The following IAH1 variants were observed in gnomAD, a reference collection of about 807,000 sequenced individuals.
IAH1 encodes the protein isoamyl acetate hydrolyzing esterase 1 (putative), also known as isoamyl acetate-hydrolyzing esterase 1 homolog.
A neutral mutation model predicts 26.7 loss-of-function variants in IAH1; 24 were observed. The observed-to-expected ratio is 0.90, with a 90% CI of 0.65 to 1.26. The LOEUF (loss-of-function observed/expected upper bound fraction) is 1.26. IAH1 is among the 50% of genes most tolerant of loss of function. IAH1 has a pLI of 0.00. For synonymous variants in IAH1, 140 were observed against 118.5 expected (o/e 1.18, Z -1.18); for missense variants, 300 against 299.9 (o/e 1.00, Z 0.00).
upstream of IAH1, among the ~76,000 whole-genome samples, chr2:9,474,258 C>T (rs1682335445): frequency 6.6e-6 from 1 of 152,172 alleles, no homozygotes; most frequent in African/African-American, 2.4e-5. The surrounding 1 kb of genome is among the most constrained non-coding windows in gnomAD (Gnocchi z 4.3). Context: ...AGGTCACACT[C>T]CTGCCCTTTG....
In IAH1 at chr2:9,489,405, T is replaced by C. The variant is rs553628412; in HGVS notation, c.*1076T>C. ...GCCAATAGTGAATTTTCTAAGAGCATGTATCCCTATCAGTAACAGGGATAC... is the reference window on the plus strand; with the variant it reads ...GCCAATAGTGAATTTTCTAAGAGCACGTATCCCTATCAGTAACAGGGATAC... On this transcript the variant is annotated 3_prime_UTR_variant, in exon 6 of 6. Coordinates refer to ENST00000497473, the MANE Select transcript of IAH1 (RefSeq NM_001039613.3). 26 of 149,688 alleles carry C rather than the reference T, an allele frequency of 1.7e-4. No homozygotes were observed. Among genetic ancestry groups the C allele is most frequent in the African/African-American group, 5.2e-4 (21 of 40,116 alleles). 9.3% of individuals were successfully genotyped at this position (149,688 alleles called of 1,614,324 possible).
At chr2:9,488,050 C>T (rs1661718442) in intron 5 of IAH1, 97 bp from the exon 6 acceptor site, 1 of 824,460 alleles carries the variant, frequency 1.2e-6, no homozygotes, top group African/African-American at 1.7e-5. Context: ...AAACTCCTGT[C>T]TTCCAGTAAT....
chr2:9,488,390 G>C lies in IAH1; in HGVS notation c.*61G>C, dbSNP rs1006218790. The C allele has an allele frequency of 5.2e-6, 7 of 1,342,404 alleles. No individual in the cohort carries two copies. 83.2% of individuals were successfully genotyped at this position (1,342,404 alleles called of 1,614,324 possible). On this transcript the variant is annotated 3_prime_UTR_variant, in exon 6 of 6. Coordinates refer to ENST00000497473, the MANE Select transcript of IAH1 (RefSeq NM_001039613.3). ...CAGAACTCAAAGTTGTCAATACGTAGAGGTACGCTTTTTTCCTCAGGCTTA... is the reference window on the plus strand; with the variant it reads ...CAGAACTCAAAGTTGTCAATACGTACAGGTACGCTTTTTTCCTCAGGCTTA...
At chr2:9,503,912 G>A in the IAH1 span, among the ~76,000 whole-genome samples, 14 of 151,762 alleles carry the variant, frequency 9.2e-5, no homozygotes, top group African/African-American at 3.4e-4. Flanking sequence ...CCACACTTTA[G>A]GAGGCTTAGA....
At chr2:9,503,095 G>A in the IAH1 span, among the ~76,000 whole-genome samples, 5 of 146,302 alleles carry the variant, frequency 3.4e-5, no homozygotes, top group Non-Finnish European at 7.5e-5. Context: ...AGCCAAGATC[G>A]CGCCACTGCA....
chr2:9,503,661 A>G, the IAH1 span, among the ~76,000 whole-genome samples: 1 of 152,054 alleles, frequency 6.6e-6, no homozygotes, highest in African/African-American at 2.4e-5. Flanking sequence ...CAACATGGTG[A>G]AACCCCATCT....
chr2:9,496,917 A>C (rs1483397243), downstream of IAH1, among the ~76,000 whole-genome samples: 2 of 152,186 alleles, frequency 1.3e-5, no homozygotes, highest in Non-Finnish European at 2.9e-5. Flanking sequence ...CACCAACAGG[A>C]TAGGTCTCCC....
rs968778394 is a variant in IAH1, at chr2:9,474,845, C to T, written c.81+198C>T. ...CGGGCCCGCGGCGTCCCGGAGGTCA[C>T]GACGGCGTCCGCGAGAGCCCGGGCT... On this transcript the variant is annotated intron_variant, in intron 1 of 5. Coordinates refer to ENST00000497473, the MANE Select transcript of IAH1 (RefSeq NM_001039613.3). This position sits in a 1 kb window ranked among gnomAD's most constrained non-coding sequence, Gnocchi z 4.3. The T allele has an allele frequency of 1.2e-5, 6 of 518,018 alleles. No homozygotes were observed. Among genetic ancestry groups the T allele is most frequent in the Non-Finnish European group, 1.5e-5 (5 of 334,196 alleles). 32.1% of individuals were successfully genotyped at this position (518,018 alleles called of 1,614,324 possible). A position where few individuals can be genotyped will look rare whatever the true frequency, so the allele number is the denominator to read the frequency against.
upstream of IAH1, chr2:9,474,394 G>A (rs13411809): frequency 0.57 from 245,880 of 427,800 alleles, 76,147 homozygotes; most frequent in African/African-American, 0.73. The surrounding 1 kb of genome is among the most constrained non-coding windows in gnomAD (Gnocchi z 4.3). Context: ...CTGTGGGTGA[G>A]CAAGCGCGGA....
chr2:9,496,202 C>A (rs1339435266), intron 6 of IAH1: 1 of 152,166 alleles, frequency 6.6e-6, no homozygotes, highest in Admixed American at 6.6e-5. Flanking sequence ...AATCTCAGCT[C>A]ACAGCAACCT....
At position 9,488,552 on chromosome 2, in the gene IAH1, CTTG is replaced by C. The variant is rs756254259; in HGVS notation, c.*226_*228del. ...CAGCTATAAAATATACCCTGAGCAG[CTTG>C]TTAATTCTATAAATGACAAAGACTA... On this transcript the variant is annotated 3_prime_UTR_variant, in exon 6 of 6. Transcript: ENST00000497473. 1.4e-5 allele frequency: 5 copies of C among 365,660 alleles called. No homozygotes were observed. The highest frequency in any genetic ancestry group is 1.0e-4 in the African/African-American group (5 of 47,946). 22.7% of individuals were successfully genotyped at this position (365,660 alleles called of 1,614,324 possible). A position where few individuals can be genotyped will look rare whatever the true frequency, so the allele number is the denominator to read the frequency against.
chr2:9,494,630 TACTC>T (rs769369491), downstream of IAH1: 7 of 1,613,512 alleles, frequency 4.3e-6, no homozygotes, highest in Non-Finnish European at 4.2e-6. Flanking sequence ...TGTACATAAA[TACTC>T]ACATTCATGT....
At chr2:9,505,064 C>T in the IAH1 span, 2 of 1,271,216 alleles carry the variant, frequency 1.6e-6, no homozygotes, top group Non-Finnish European at 2.2e-6. Context: ...CACACTCACA[C>T]CCCTTTCAGT....
At chr2:9,495,564 A>T (rs907896192) in intron 6 of IAH1, among the ~76,000 whole-genome samples, 1 of 152,094 alleles carries the variant, frequency 6.6e-6, no homozygotes, top group East Asian at 1.9e-4. Context: ...AATAAAAAAA[A>T]TTAGCCAGAT....
intron 4 of IAH1, among the ~76,000 whole-genome samples, chr2:9,483,781 C>G (rs1477069575): frequency 1.3e-5 from 2 of 152,178 alleles, no homozygotes; most frequent in Non-Finnish European, 2.9e-5. Flanking sequence ...TAGATACACT[C>G]AATCGTTCTG....
the IAH1 span, among the ~76,000 whole-genome samples, chr2:9,503,153 G>C: frequency 1.2e-3 from 164 of 135,228 alleles, 1 homozygote; most frequent in Middle Eastern, 0.015. Flanking sequence ...AAAAAAAAAA[G>C]ACAAGGAAAA....
the IAH1 span, among the ~76,000 whole-genome samples, chr2:9,503,418 A>G: frequency 3.3e-5 from 5 of 152,254 alleles, no homozygotes; most frequent in Non-Finnish European, 7.3e-5. Context: ...AGTATATAGA[A>G]TCATGATAAC....
the IAH1 span, chr2:9,509,952 C>T: frequency 6.2e-7 from 1 of 1,612,350 alleles, no homozygotes; most frequent in Non-Finnish European, 8.5e-7. Flanking sequence ...TTCCAAACCA[C>T]ATAAAAAATT....
At chr2:9,505,418 C>T in the IAH1 span, 1 of 1,525,276 alleles carries the variant, frequency 6.6e-7, no homozygotes, top group South Asian at 1.1e-5. Context: ...AAAATGTATT[C>T]CCATGCAATG....
Sources: allele counts gnomAD v4.1 joint callset (sites outside exome capture counted in the v4.1 genomes callset), GRCh38; gene constraint gnomAD v4.1.1; non-coding constraint Gnocchi (gnomAD v3.1); transcripts MANE v1.5; gene names NCBI Gene and HGNC (gene_info 2026-07-23, HGNC 2026-07-21).